WDR73: variants seen among roughly 807,000 people sequenced by gnomAD.
WDR73 encodes the protein WD repeat domain 73.
In WDR73, 30 loss-of-function variants were observed where a neutral mutation model predicts 38.2. The ratio of observed to expected loss-of-function variants is 0.79; its 90% CI spans 0.59 to 1.06. WDR73 has a LOEUF of 1.06. WDR73 is among the 50% of genes least tolerant of loss of function. The probability of loss-of-function intolerance (pLI) is 0.00; values close to 1 mark genes in which losing one functional copy is unlikely to be tolerated. For missense variants in WDR73, 487 were observed against 467.0 expected, an observed-to-expected ratio of 1.04 and a Z score of -0.40; for synonymous variants, 197 against 176.0, an observed-to-expected ratio of 1.12 and a Z score of -0.94.
chr15:84,646,486 G>A (rs1896467829), intron 5 of WDR73, 138 bp from the exon 6 acceptor site: 1 of 1,277,102 alleles, frequency 7.8e-7, no homozygotes, highest in South Asian at 1.6e-5. Flanking sequence ...ATGATGTTGA[G>A]ACATAACTAC....
In WDR73 at chr15:84,640,779, T is replaced by C. The variant is rs949988140; in HGVS notation, c.*2691A>G. The C allele has an allele frequency of 2.6e-5, 4 of 152,194 alleles. No homozygotes were observed. Among genetic ancestry groups the C allele is most frequent in the African/African-American group, 9.7e-5 (4 of 41,436 alleles). The allele number at this position is 152,194 out of a possible 1,614,324, so 9.4% of individuals were successfully genotyped here. ...ACCCTGCGTAGATTATACACACCAG[T>C]CTGCCATTTAAAAGGTTTGTTGTTC... is the stretch of plus-strand genomic sequence containing the variant. On this transcript the variant is annotated 3_prime_UTR_variant, in exon 8 of 8. Transcript: ENST00000434634.
intron 3 of WDR73, among the ~76,000 whole-genome samples, chr15:84,651,361 G>A (rs184961877): frequency 6.7e-6 from 1 of 149,798 alleles, no homozygotes; most frequent in Non-Finnish European, 1.5e-5. Context: ...GGGAGGTTTA[G>A]ACTGTAGTGA....
rs1896342013 is a variant in WDR73, at chr15:84,643,648, T to G, written c.959A>C (p.Gln320Pro). ...TCTGTGAGTGAAGAGAGGTTCTACT[T>G]GGCTCCGTGTTCCATCTTGGCTCCG... is the stretch of plus-strand genomic sequence containing the variant. The part of the protein sequence containing the change: ...GTRSQDGTRS[Q>P]VEPLFTHRGH... Residue 320 changes from glutamine (Q) to proline (P), a missense_variant, in exon 8 of 8, where the codon CAA becomes CCA. Physicochemically the swap from Gln to Pro is moderately conservative, Grantham distance 76. Transcript: ENST00000434634. 3.7e-6 allele frequency: 4 copies of G among 1,068,412 alleles called. No individual in the cohort carries two copies. Among genetic ancestry groups the G allele is most frequent in the Non-Finnish European group, 5.2e-6 (4 of 763,148 alleles). The allele number at this position is 1,068,412 out of a possible 1,614,324, so 66.2% of individuals were successfully genotyped here. A position where few individuals can be genotyped will look rare whatever the true frequency, so the allele number is the denominator to read the frequency against.
At position 84,645,328 on chromosome 15, in the gene WDR73, C is replaced by T. The variant is rs991735601; in HGVS notation, c.883+143G>A. ...TAGGAAAAGGCCTGCCACTGAAGAA[C>T]CTGGAGAGTTCGAATTTCTCTGTGA... On this transcript the variant is annotated intron_variant, in intron 7 of 7. Transcript: ENST00000434634. 3.3e-6 allele frequency: 5 copies of T among 1,529,820 alleles called. No individual in the cohort carries two copies. The African/African-American group carries it at 5.5e-5, about 17-fold the overall frequency. The allele number at this position is 1,529,820 out of a possible 1,614,324, so 94.8% of individuals were successfully genotyped here. A position where few individuals can be genotyped will look rare whatever the true frequency, so the allele number is the denominator to read the frequency against.
At position 84,652,533 on chromosome 15, in the gene WDR73, G is replaced by A. The variant is rs73449340; in HGVS notation, c.198+181C>T. ...CCTCTGATAGCCCTCTGTAAACCAC[G>A]AGACATTCTACAGCATTTATCTCTG... On this transcript the variant is annotated intron_variant, in intron 3 of 7. Transcript: ENST00000434634. Among the ~76,000 whole-genome samples, 1,425 of 152,226 alleles carry A rather than the reference G, an allele frequency of 9.4e-3. 24 individuals carry two copies. The highest frequency in any genetic ancestry group is 0.033 in the African/African-American group (1,367 of 41,532).
At chr15:84,650,768 TG>T (rs2141843803) in intron 3 of WDR73, among the ~76,000 whole-genome samples, 1 of 152,338 alleles carries the variant, frequency 6.6e-6, no homozygotes, top group Admixed American at 6.5e-5. Context: ...CCCAAGGTGC[TG>T]GGATTACAGG....
At chr15:84,651,416 G>A (rs2141844754) in intron 3 of WDR73, among the ~76,000 whole-genome samples, 1 of 152,282 alleles carries the variant, frequency 6.6e-6, no homozygotes, top group South Asian at 2.1e-4. Context: ...GACAGAGCAA[G>A]CCCTTGTCTC....
chr15:84,649,196 A>C (rs555484545), intron 3 of WDR73, among the ~76,000 whole-genome samples: 8 of 152,324 alleles, frequency 5.3e-5, no homozygotes, highest in African/African-American at 1.9e-4. Flanking sequence ...AATTTGAACC[A>C]AAGTCTGTCT....
Position 84,647,939 on chromosome 15 carries a change from AC to A in WDR73, c.302del (p.Ser101MetfsTer80). On this transcript the variant is annotated frameshift_variant, in exon 5 of 8. Transcript: ENST00000434634. LOFTEE classifies it high-confidence loss of function. ...HVPHTRLLVT[S>X]GLPGCYLQVW... is the part of the protein sequence containing the mutation. ...CCTGCAGATAACAACCTGGAAGGCC[AC>A]TGGTAACCAGCAATCTATTCAGAAA... 1 of 1,614,026 alleles carries A rather than the reference AC, an allele frequency of 6.2e-7. No individual in the cohort carries two copies. Among genetic ancestry groups the A allele is most frequent in the Non-Finnish European group, 8.5e-7 (1 of 1,179,892 alleles).
At chr15:84,653,365 T>C (rs149123793) in intron 2 of WDR73, 18 of 366,424 alleles carry the variant, frequency 4.9e-5, no homozygotes, top group Non-Finnish European at 8.4e-5. Context: ...AGACGGGGTT[T>C]CACCATGTTG....
In WDR73 at chr15:84,643,251, G is replaced by A. The variant is rs1185517002; in HGVS notation, c.*219C>T. 1.4e-5 allele frequency: 8 copies of A among 579,948 alleles called. No individual in the cohort carries two copies. The highest frequency in any genetic ancestry group is 2.9e-5 in the East Asian group (1 of 34,674). 35.9% of individuals were successfully genotyped at this position (579,948 alleles called of 1,614,324 possible). A position where few individuals can be genotyped will look rare whatever the true frequency, so the allele number is the denominator to read the frequency against. Reference sequence around the variant, plus strand: ...CTAACAATAGCTACCAAGTAATTATGCCATGCGTTTCTTCTAACCTTCGCA... The same window carrying A: ...CTAACAATAGCTACCAAGTAATTATACCATGCGTTTCTTCTAACCTTCGCA... On this transcript the variant is annotated 3_prime_UTR_variant, in exon 8 of 8. Coordinates refer to ENST00000434634, the MANE Select transcript of WDR73 (RefSeq NM_032856.5).
In WDR73 at chr15:84,646,189, G is replaced by A; in HGVS notation, c.512C>T (p.Thr171Ile). 6.2e-7 allele frequency: 1 copy of A among 1,613,716 alleles called. No homozygotes were observed. ...GGGACAAAGTACCACGGTACCTGAG[G>A]TGTACGTGGTCTTCCGGGACTCCAG... ...VDLESRKTTYTSDVSDSEELS... is the reference protein window; with the variant it reads ...VDLESRKTTYISDVSDSEELS... The change falls in exon 6 of 8, where the codon ACC becomes ATC. Residue 171 changes from threonine to isoleucine, a missense_variant. Transcript: ENST00000434634.
chr15:84,653,076 G>C (rs1183158003), intron 2 of WDR73: 3 of 320,938 alleles, frequency 9.3e-6, no homozygotes, highest in African/African-American at 4.3e-5. Flanking sequence ...GAGCCACCAT[G>C]CTCGGCTAAT....
intron 2 of WDR73, 69 bp from the exon 3 acceptor site, chr15:84,652,871 G>A: frequency 1.1e-6 from 1 of 934,500 alleles, no homozygotes. Flanking sequence ...ATCCCCCGAA[G>A]TAAGGATACA....
intron 2 of WDR73, 199 bp downstream of exon 2, chr15:84,653,433 G>T (rs182438145): frequency 2.0e-6 from 1 of 495,152 alleles, no homozygotes; most frequent in Admixed American, 3.2e-5. Context: ...GCCTCCCAAA[G>T]TGCTGGGATT....
At chr15:84,645,077 A>T (rs1238069056) in intron 7 of WDR73, 1 of 495,946 alleles carries the variant, frequency 2.0e-6, no homozygotes, top group African/African-American at 2.0e-5. Flanking sequence ...CAGCCTCCTA[A>T]GTAGCTGGGA....
intron 7 of WDR73, 93 bp from the exon 8 acceptor site, chr15:84,643,816 C>A: frequency 7.2e-7 from 1 of 1,392,254 alleles, no homozygotes; most frequent in Non-Finnish European, 9.5e-7. Context: ...GGGGTTTCAC[C>A]ATGTTGACCA....
rs767113542 is a variant in WDR73 at position 84,646,164 on chromosome 15, G to A, written c.517+20C>T. 1.2e-6 allele frequency: 2 copies of A among 1,613,230 alleles called. No individual in the cohort carries two copies. Among genetic ancestry groups the A allele is most frequent in the Non-Finnish European group, 1.7e-6 (2 of 1,179,814 alleles). ...TGATGCCGGCTGGAGCAGCAAGCAAGGGACAAAGTACCACGGTACCTGAGG... is the reference window on the plus strand; with the variant it reads ...TGATGCCGGCTGGAGCAGCAAGCAAAGGACAAAGTACCACGGTACCTGAGG... On this transcript the variant is annotated intron_variant, in intron 6 of 7. Coordinates refer to ENST00000434634, the MANE Select transcript of WDR73 (RefSeq NM_032856.5).
At position 84,647,882 on chromosome 15, in the gene WDR73, T is replaced by G; in HGVS notation, c.352+8A>C. 6.2e-7 allele frequency: 1 copy of G among 1,613,802 alleles called. No homozygotes were observed. The highest frequency in any genetic ancestry group is 1.3e-5 in the African/African-American group (1 of 74,980). The stretch of plus-strand genomic sequence containing the variant: ...AACCCCAAACCCCATCAAGTCAAAT[T>G]CACTCACCACTGTCCTCTGCAACCT... On this transcript the variant is annotated splice_region_variant and intron_variant, in intron 5 of 7. Coordinates refer to ENST00000434634, the MANE Select transcript of WDR73 (RefSeq NM_032856.5).
Sources: gnomAD v4.1 joint callset for allele counts (sites outside exome capture counted in the v4.1 genomes callset) on GRCh38, gnomAD v4.1.1 for gene constraint, MANE v1.5 for transcripts, NCBI Gene and HGNC (gene_info 2026-07-23, HGNC 2026-07-21) for gene names.